Variants in CTNNA2 observed in about 807,000 individuals in gnomAD.
The protein encoded by CTNNA2 is catenin alpha 2, also known as catenin alpha-2.
In CTNNA2, 42 loss-of-function variants were observed where a neutral mutation model predicts 101.0. That is an observed-to-expected ratio of 0.42 (90% confidence interval 0.32 to 0.54). CTNNA2 has a LOEUF of 0.54. Among genes scored for constraint, CTNNA2 ranks in the 20% least tolerant of loss-of-function variants. CTNNA2 has a pLI of 0.14. For synonymous variants in CTNNA2, 450 were observed against 456.4 expected (o/e 0.99, Z 0.18); for missense variants, 871 against 1,223.1 (o/e 0.71, Z 4.29).
intron 7 of CTNNA2, among the ~76,000 whole-genome samples, chr2:80,051,253 G>T (rs1347061746): frequency 6.6e-6 from 1 of 152,158 alleles, no homozygotes; most frequent in Non-Finnish European, 1.5e-5. Context: ...TAAATGTGTT[G>T]TTTCGCAGTT....
intron 1 of CTNNA2, among the ~76,000 whole-genome samples, chr2:79,557,222 A>T (rs1259915014): frequency 6.6e-6 from 1 of 152,026 alleles, no homozygotes; most frequent in African/African-American, 2.4e-5. Context: ...TTTATTTCAT[A>T]ACCTACAACT....
chr2:79,951,315 A>G (rs1688863836), intron 7 of CTNNA2, among the ~76,000 whole-genome samples: 1 of 152,204 alleles, frequency 6.6e-6, no homozygotes, highest in Admixed American at 6.5e-5. Flanking sequence ...GGTGATTCTA[A>G]TGTACAGCCA....
intron 3 of CTNNA2, among the ~76,000 whole-genome samples, chr2:79,800,869 C>T (rs1261643939): frequency 1.3e-5 from 2 of 152,236 alleles, no homozygotes; most frequent in East Asian, 1.9e-4. Flanking sequence ...GTCAGAAAGG[C>T]TTGGATCATT....
chr2:79,626,096 C>A (rs1367930342), intron 1 of CTNNA2, among the ~76,000 whole-genome samples: 3 of 152,168 alleles, frequency 2.0e-5, no homozygotes, highest in Non-Finnish European at 2.9e-5. Context: ...GAAAACAAAT[C>A]TCCTGTGGGA....
intron 6 of CTNNA2, among the ~76,000 whole-genome samples, chr2:79,890,242 C>A (rs2104201352): frequency 6.6e-6 from 1 of 152,306 alleles, no homozygotes. Flanking sequence ...ATGACATAGA[C>A]TGTGGTCCCT....
intron 9 of CTNNA2, among the ~76,000 whole-genome samples, chr2:80,482,177 T>G (rs985105945): frequency 4.6e-5 from 7 of 152,030 alleles, no homozygotes; most frequent in African/African-American, 1.7e-4. Flanking sequence ...GATCCAATCC[T>G]CCTCCTCCTC....
intron 7 of CTNNA2, among the ~76,000 whole-genome samples, chr2:80,237,418 G>A (rs1242245877): frequency 6.6e-6 from 1 of 151,988 alleles, no homozygotes; most frequent in Admixed American, 6.6e-5. Context: ...ACTTACGATG[G>A]GTGTATTAGG....
intron 7 of CTNNA2, among the ~76,000 whole-genome samples, chr2:80,290,677 A>G: frequency 6.6e-6 from 1 of 152,132 alleles, no homozygotes. Context: ...TACTATATGT[A>G]TATCTGTGGT....
intron 6 of CTNNA2, among the ~76,000 whole-genome samples, chr2:79,887,694 C>A (rs549839112): frequency 1.4e-4 from 22 of 152,228 alleles, no homozygotes; most frequent in Admixed American, 1.2e-3. Flanking sequence ...AAAAAAACAA[C>A]TTTTTGATAC....
At chr2:80,318,494 T>C (rs1678349810) in intron 7 of CTNNA2, among the ~76,000 whole-genome samples, 2 of 152,132 alleles carry the variant, frequency 1.3e-5, no homozygotes, top group African/African-American at 4.8e-5. Context: ...TCCTTCTCTA[T>C]ATAAAGAGTG....
intron 7 of CTNNA2, among the ~76,000 whole-genome samples, chr2:80,241,776 G>T (rs1475910319): frequency 6.6e-6 from 1 of 152,160 alleles, no homozygotes; most frequent in Non-Finnish European, 1.5e-5. Flanking sequence ...CAAGCACTGA[G>T]CCTAAGGATA....
chr2:79,435,133 G>C (rs996518555), intron 4 of CTNNA2, among the ~76,000 whole-genome samples: 1 of 152,104 alleles, frequency 6.6e-6, no homozygotes. Flanking sequence ...ACCGGGCCCA[G>C]GAGAGAACAG....
Position 79,857,994 on chromosome 2 carries a change from C to A in CTNNA2, c.299-19C>A, listed in dbSNP as rs376097936. The A allele has an allele frequency of 6.2e-7, 1 of 1,604,142 alleles. No homozygotes were observed. Among genetic ancestry groups the A allele is most frequent in the Non-Finnish European group, 8.5e-7 (1 of 1,171,928 alleles). Reference sequence around the variant, plus strand: ...AAGCCTCTTGTCTACCCACCTGCCTCTCCGTGTCTGTCTTCCAGGTGAGAC... The same window carrying A: ...AAGCCTCTTGTCTACCCACCTGCCTATCCGTGTCTGTCTTCCAGGTGAGAC... On this transcript the variant is annotated intron_variant, in intron 3 of 18. Coordinates refer to ENST00000402739, the MANE Select transcript of CTNNA2 (RefSeq NM_001282597.3).
intron 17 of CTNNA2, among the ~76,000 whole-genome samples, chr2:80,613,577 C>A (rs766630465): frequency 5.3e-5 from 8 of 151,382 alleles, no homozygotes; most frequent in Non-Finnish European, 1.2e-4. Flanking sequence ...TCTTCAGTTA[C>A]ATTTTCTGTG....
intron 2 of CTNNA2, among the ~76,000 whole-genome samples, chr2:79,204,603 C>G (rs1047222703): frequency 6.6e-6 from 1 of 152,160 alleles, no homozygotes; most frequent in African/African-American, 2.4e-5. Context: ...TGTTAGTCCT[C>G]TTTGTGCTGT....
intron 7 of CTNNA2, among the ~76,000 whole-genome samples, chr2:80,016,952 T>A (rs1000461122): frequency 6.6e-6 from 1 of 152,302 alleles, no homozygotes; most frequent in Non-Finnish European, 1.5e-5. Flanking sequence ...CCTCAAACTA[T>A]CAAAGCCTCT....
chr2:79,613,028 C>G (rs1363658951), intron 1 of CTNNA2, among the ~76,000 whole-genome samples: 2 of 152,100 alleles, frequency 1.3e-5, no homozygotes, highest in African/African-American at 4.8e-5. Context: ...GTATTCTCCT[C>G]TCTTACGAGT....
At chr2:79,678,998 G>GT (rs527846582) in intron 2 of CTNNA2, among the ~76,000 whole-genome samples, 35 of 152,186 alleles carry the variant, frequency 2.3e-4, no homozygotes, top group East Asian at 1.4e-3. Context: ...GATTTGTGGG[G>GT]TTTTTTTAGC....
chr2:80,083,082 C>T (rs575720800), intron 7 of CTNNA2, among the ~76,000 whole-genome samples: 2 of 152,122 alleles, frequency 1.3e-5, no homozygotes, highest in Admixed American at 6.5e-5. Flanking sequence ...TCCTTCTGTT[C>T]TCATGTGGGA....
Sources: allele counts gnomAD v4.1 joint callset (sites outside exome capture counted in the v4.1 genomes callset), GRCh38; gene constraint gnomAD v4.1.1; transcripts MANE v1.5; gene names NCBI Gene and HGNC (gene_info 2026-07-23, HGNC 2026-07-21).